Variants in WDR19 observed in about 807,000 individuals in gnomAD.
WDR19 encodes the protein WD repeat-containing protein 19.
A neutral mutation model predicts 180.0 loss-of-function variants in WDR19; 121 were observed. The ratio of observed to expected loss-of-function variants is 0.67; its 90% CI spans 0.58 to 0.78. WDR19 has a LOEUF of 0.78. Among genes scored for constraint, WDR19 ranks in the 30% least tolerant of loss-of-function variants. The pLI, the probability that WDR19 is intolerant of heterozygous loss-of-function variation, is 0.00. For missense variants in WDR19, 1,450 were observed against 1,640.7 expected (o/e 0.88, Z 2.01); for synonymous variants, 497 against 540.7 (o/e 0.92, Z 1.12).
chr4:39,234,827 A>G lies in WDR19; in HGVS notation c.2315A>G (p.Asp772Gly). The G allele has an allele frequency of 6.3e-7, 1 of 1,581,440 alleles. No homozygotes were observed. Among genetic ancestry groups the G allele is most frequent in the Non-Finnish European group, 8.6e-7 (1 of 1,162,478 alleles). ...ALQLAKHLAP[D>G]QIPFISKEYA... ...CAACTGGCAAAGCATTTGGCCCCAG[A>G]CCAGATACCTTTTATATCAAAAGAA... The change falls in exon 20 of 37, where the codon GAC becomes GGC. Residue 772 changes from aspartate to glycine, a missense_variant. By Grantham distance (94) the Asp-to-Gly change is moderately conservative. Transcript: ENST00000399820.
At chr4:39,268,830 G>A (rs985132046) in intron 30 of WDR19, among the ~76,000 whole-genome samples, 2 of 152,146 alleles carry the variant, frequency 1.3e-5, no homozygotes, top group African/African-American at 2.4e-5. Flanking sequence ...TTCAGAGTTG[G>A]ACGGGATGAC....
At chr4:39,206,649 C>T (rs951510453) in intron 9 of WDR19, among the ~76,000 whole-genome samples, 7 of 152,198 alleles carry the variant, frequency 4.6e-5, no homozygotes, top group African/African-American at 1.7e-4. Flanking sequence ...TATTTATGAA[C>T]TCCTGGGTTC....
chr4:39,257,385 C>A (rs1023480541), intron 27 of WDR19, 101 bp from the exon 28 acceptor site: 2 of 1,121,336 alleles, frequency 1.8e-6, no homozygotes, highest in Non-Finnish European at 2.6e-6. Context: ...AAGATACTTT[C>A]ACAGACTGTA....
At chr4:39,233,136 G>A (rs946765500) in intron 19 of WDR19, among the ~76,000 whole-genome samples, 3 of 152,060 alleles carry the variant, frequency 2.0e-5, no homozygotes, top group African/African-American at 4.8e-5. Context: ...TGGGAAAACC[G>A]AGGCACATTT....
At chr4:39,220,668 C>T (rs543317914) in intron 14 of WDR19, among the ~76,000 whole-genome samples, 3 of 146,930 alleles carry the variant, frequency 2.0e-5, no homozygotes, top group African/African-American at 7.5e-5. Context: ...CGCCACCACA[C>T]TCAGCTAATT....
intron 14 of WDR19, among the ~76,000 whole-genome samples, chr4:39,222,401 A>AT (rs1287113767): frequency 1.3e-5 from 2 of 152,034 alleles, no homozygotes; most frequent in East Asian, 1.9e-4. Context: ...CAAAGAGAAG[A>AT]TTTTTTTTAA....
intron 6 of WDR19, 78 bp downstream of exon 6, chr4:39,199,671 T>A: frequency 8.5e-7 from 1 of 1,182,060 alleles, no homozygotes; most frequent in Non-Finnish European, 1.2e-6. Flanking sequence ...CAAACTAATC[T>A]ATACAATTTT....
At chr4:39,189,058 G>A (rs568479343) in intron 3 of WDR19, among the ~76,000 whole-genome samples, 1 of 152,230 alleles carries the variant, frequency 6.6e-6, no homozygotes, top group East Asian at 1.9e-4. Flanking sequence ...AAGTAGCTGG[G>A]ATTACAGGCA....
rs374826618 is a variant in WDR19 at position 39,246,811 on chromosome 4, C to T, written c.2729+1359C>T. Among the ~76,000 whole-genome samples, 16 of 152,314 alleles carry T rather than the reference C, an allele frequency of 1.1e-4. No homozygotes were observed. In the East Asian group the frequency reaches 2.3e-3, roughly 22 times the overall value. On this transcript the variant is annotated intron_variant, in intron 24 of 36. Transcript: ENST00000399820. Reference sequence around the variant, plus strand: ...GGCAGCAGAAAGGCTGGTGGACGGGCGCCCGCCATTGCTGAGGCTTGAGTA... The same window carrying T: ...GGCAGCAGAAAGGCTGGTGGACGGGTGCCCGCCATTGCTGAGGCTTGAGTA...
In WDR19 at chr4:39,217,176, C is replaced by T. The variant is rs768607581; in HGVS notation, c.1292C>T (p.Ala431Val). 6.2e-7 allele frequency: 1 copy of T among 1,608,820 alleles called. No homozygotes were observed. The highest frequency in any genetic ancestry group is 8.5e-7 in the Non-Finnish European group (1 of 1,177,746). ...GATATGGAGTATCTGGGAACAGTAGCCAGTATTTGCCTTCATTCTGACTAT... is the reference window on the plus strand; with the variant it reads ...GATATGGAGTATCTGGGAACAGTAGTCAGTATTTGCCTTCATTCTGACTAT... ...LKDMEYLGTV[A>V]SICLHSDYAA... Residue 431 changes from alanine to valine, a missense_variant, in exon 13 of 37, where the codon GCC (alanine) becomes GTC (valine). Ala to Val is a moderately conservative substitution (Grantham distance 64). Transcript: ENST00000399820.
chr4:39,232,396 GGAT>G, intron 19 of WDR19, 124 bp downstream of exon 19: 1 of 738,416 alleles, frequency 1.4e-6, no homozygotes, highest in Non-Finnish European at 2.2e-6. Context: ...AGGCCAAGGT[GGAT>G]GGATCGCCTG....
At chr4:39,276,788 T>C (rs577212891) in intron 33 of WDR19, among the ~76,000 whole-genome samples, 1 of 152,242 alleles carries the variant, frequency 6.6e-6, no homozygotes, top group South Asian at 2.1e-4. Context: ...GAACTCCAGT[T>C]CCCAAAGGTG....
At position 39,278,642 on chromosome 4, in the gene WDR19, G is replaced by A. The variant is rs774982272; in HGVS notation, c.4021G>A (p.Glu1341Lys). The change falls in exon 36 of 37, where the codon GAA becomes AAA. Residue 1341 changes from glutamate (E) to lysine (K), a missense_variant. Glu to Lys is a moderately conservative substitution (Grantham distance 56, BLOSUM62 1). Transcript: ENST00000399820. ...TACCCAGTACCTGCGAACGGAGGAGGAACTGTGATTGGCACGTGCAGGTGA... is the reference window on the plus strand; with the variant it reads ...TACCCAGTACCTGCGAACGGAGGAGAAACTGTGATTGGCACGTGCAGGTGA... Reference protein sequence around the residue: ...DCTQYLRTEEEL With the variant: ...DCTQYLRTEEKL 1.2e-6 allele frequency: 2 copies of A among 1,610,830 alleles called. No individual in the cohort carries two copies. Among genetic ancestry groups the A allele is most frequent in the South Asian group, 2.2e-5 (2 of 90,552 alleles).
At chr4:39,274,064 G>C (rs1216759928) in intron 32 of WDR19, 1 of 152,128 alleles carries the variant, frequency 6.6e-6, no homozygotes, top group Non-Finnish European at 1.5e-5. Flanking sequence ...TTTATGTTTG[G>C]ACACAAATGT....
At chr4:39,270,958 G>A (rs546316073) in intron 31 of WDR19, among the ~76,000 whole-genome samples, 26 of 142,458 alleles carry the variant, frequency 1.8e-4, no homozygotes, top group Non-Finnish European at 3.4e-4. Flanking sequence ...GCAGTGGCCC[G>A]ATCTTGGCTC....
At chr4:39,260,103 G>T (rs1270244326) in intron 28 of WDR19, among the ~76,000 whole-genome samples, 1 of 150,568 alleles carries the variant, frequency 6.6e-6, no homozygotes, top group South Asian at 2.1e-4. Flanking sequence ...GCCCCCACAC[G>T]CATACTTGCT....
At chr4:39,235,093 C>G (rs1731247416) in intron 20 of WDR19, among the ~76,000 whole-genome samples, 2 of 152,012 alleles carry the variant, frequency 1.3e-5, no homozygotes, top group Admixed American at 1.3e-4. Context: ...AAGTCTGGAT[C>G]TAAGCTGTTT....
At position 39,218,056 on chromosome 4, in the gene WDR19, G is replaced by C. The variant is rs371117988; in HGVS notation, c.1430G>C (p.Arg477Pro). The C allele has an allele frequency of 6.2e-7, 1 of 1,613,918 alleles. No individual in the cohort carries two copies. The highest frequency in any genetic ancestry group is 8.5e-7 in the Non-Finnish European group (1 of 1,179,842). The change falls in exon 14 of 37, where the codon CGT (arginine) becomes CCT (proline). Residue 477 changes from arginine (R) to proline (P), a missense_variant. Physicochemically the swap from Arg to Pro is moderately radical, Grantham distance 103 (BLOSUM62 -2). Coordinates refer to ENST00000399820, the MANE Select transcript of WDR19 (RefSeq NM_025132.4). ...TTCCCAGCAGTGGATGATAAGTGCCGTATCTTATGCCATGCCTTAACTAGT... is the reference window on the plus strand; with the variant it reads ...TTCCCAGCAGTGGATGATAAGTGCCCTATCTTATGCCATGCCTTAACTAGT... ...RLFPAVDDKCRILCHALTSDF... is the reference protein window; with the variant it reads ...RLFPAVDDKCPILCHALTSDF...
Position 39,266,067 on chromosome 4 carries a change from G to A in WDR19, c.3188G>A (p.Gly1063Asp), listed in dbSNP as rs760222006. 6.4e-7 allele frequency: 1 copy of A among 1,554,160 alleles called. No homozygotes were observed. Among genetic ancestry groups the A allele is most frequent in the Non-Finnish European group, 8.7e-7 (1 of 1,148,410 alleles). Residue 1063 changes from glycine to aspartate, a missense_variant, in exon 29 of 37, where the codon GGT becomes GAT. By Grantham distance (94) the Gly-to-Asp change is moderately conservative (BLOSUM62 -1). Coordinates refer to ENST00000399820, the MANE Select transcript of WDR19 (RefSeq NM_025132.4). ...VAIEMAIETV[G>D]QAKDELLTNQ... Reference sequence around the variant, plus strand: ...TTTTTCTCTCTTATTAAACAGGTTGGTCAGGCCAAAGATGAACTGCTGACC... The same window carrying A: ...TTTTTCTCTCTTATTAAACAGGTTGATCAGGCCAAAGATGAACTGCTGACC...
Sources: allele counts gnomAD v4.1 joint callset (sites outside exome capture counted in the v4.1 genomes callset), GRCh38; gene constraint gnomAD v4.1.1; transcripts MANE v1.5; gene names NCBI Gene and HGNC (gene_info 2026-07-23, HGNC 2026-07-21).